Variants in PTPRH observed in about 807,000 individuals in gnomAD.
PTPRH encodes the protein protein tyrosine phosphatase receptor type H, also known as receptor-type tyrosine-protein phosphatase H.
Under a neutral mutation model 130.2 loss-of-function variants are expected in PTPRH, and 113 were observed. The ratio of observed to expected loss-of-function variants is 0.87; its 90% CI spans 0.75 to 1.01. The LOEUF (loss-of-function observed/expected upper bound fraction) is 1.01, where lower values mean the gene tolerates loss of function less well. PTPRH is among the 50% of genes least tolerant of loss of function. The pLI is 0.00. For missense variants in PTPRH, 1,430 were observed against 1,425.0 expected (o/e 1.00, Z -0.06); for synonymous variants, 556 against 577.9 (o/e 0.96, Z 0.54).
At chr19:55,182,398 C>A (rs1166639756) in intron 18 of PTPRH, among the ~76,000 whole-genome samples, 1 of 152,168 alleles carries the variant, frequency 6.6e-6, no homozygotes, top group Non-Finnish European at 1.5e-5. Context: ...GTGGCGCATG[C>A]CTGTAATCCC....
Position 55,202,228 on chromosome 19 carries a change from G to A in PTPRH, c.981C>T (p.Asn327=). The A allele has an allele frequency of 6.2e-7, 1 of 1,614,234 alleles. No homozygotes were observed. The highest frequency in any genetic ancestry group is 8.5e-7 in the Non-Finnish European group (1 of 1,180,048). The change falls in exon 6 of 20, where the codon AAC becomes AAT. Residue 327 remains asparagine (N), a synonymous_variant. Coordinates refer to ENST00000376350, the MANE Select transcript of PTPRH (RefSeq NM_002842.5). Reference sequence around the variant, plus strand: ...CAGTGTACTCAACCCCGTAGGTGGAGTTCTGTGGGTCTGGGCCATCGGGGA... The same window carrying A: ...CAGTGTACTCAACCCCGTAGGTGGAATTCTGTGGGTCTGGGCCATCGGGGA... ...WEVPDGPDPQ[N]STYGVEYTGD...
Position 55,205,467 on chromosome 19 carries a change from C to T in PTPRH, c.478G>A (p.Gly160Ser). ...GTGCTTCGAGTCCCTGCTCTGCCACCATCTCCAGTGTACTCAACCCCGTAG... is the reference window on the plus strand; with the variant it reads ...GTGCTTCGAGTCCCTGCTCTGCCACTATCTCCAGTGTACTCAACCCCGTAG... ...STYGVEYTGD[G>S]GRAGTRSTAH... The change falls in exon 4 of 20, where the codon GGT (glycine) becomes AGT (serine). Residue 160 changes from glycine to serine, a missense_variant. Coordinates refer to ENST00000376350, the MANE Select transcript of PTPRH (RefSeq NM_002842.5). 2 of 1,614,198 alleles carry T rather than the reference C, an allele frequency of 1.2e-6. No homozygotes were observed. Among genetic ancestry groups the T allele is most frequent in the Non-Finnish European group, 1.7e-6 (2 of 1,180,048 alleles).
rs993308040 is a variant in PTPRH, at chr19:55,185,871, C to G, written c.2892G>C (p.Leu964=). Residue 964 remains leucine, a synonymous_variant, in exon 17 of 20, where the codon CTG becomes CTC. Coordinates refer to ENST00000376350, the MANE Select transcript of PTPRH (RefSeq NM_002842.5). ...GGCTGGACACACGCACCTGGAGGAG[C>G]AGCAGTTCCCGCACCGTCCAGTTCT... ...VMENWTVREL[L]LLQVEEQKTL... is the part of the protein sequence containing the mutation. 6.2e-7 allele frequency: 1 copy of G among 1,614,130 alleles called. No homozygotes were observed. Among genetic ancestry groups the G allele is most frequent in the Non-Finnish European group, 8.5e-7 (1 of 1,180,016 alleles).
chr19:55,187,817 G>A lies in PTPRH; in HGVS notation c.2476-214C>T, dbSNP rs893802326. Among the ~76,000 whole-genome samples, 9 of 152,084 alleles carry A rather than the reference G, an allele frequency of 5.9e-5. No homozygotes were observed. In the East Asian group the frequency reaches 9.7e-4, roughly 16 times the overall value. On this transcript the variant is annotated intron_variant, in intron 13 of 19. Coordinates refer to ENST00000376350, the MANE Select transcript of PTPRH (RefSeq NM_002842.5). ...TTAGGGAACCATGGGACTTCTTCAG[G>A]CAGGCAAGAAAGCAGGTGTCAGGGG... is the stretch of plus-strand genomic sequence containing the variant.
At chr19:55,203,726 C>A in intron 5 of PTPRH, 56 bp downstream of exon 5, 1 of 1,533,510 alleles carries the variant, frequency 6.5e-7, no homozygotes. Context: ...CTCCCAACCA[C>A]CCCCTACCAC....
chr19:55,182,680 G>T (rs777893025), intron 18 of PTPRH, among the ~76,000 whole-genome samples: 5 of 152,208 alleles, frequency 3.3e-5, no homozygotes, highest in Non-Finnish European at 7.3e-5. Flanking sequence ...GAGGCTGAGT[G>T]AGGTGAAGTC....
At chr19:55,195,819 C>T (rs1024674230) in intron 10 of PTPRH, among the ~76,000 whole-genome samples, 1 of 152,232 alleles carries the variant, frequency 6.6e-6, no homozygotes, top group South Asian at 2.1e-4. Context: ...GATCCTTCCA[C>T]CTCAGCCTCC....
intron 12 of PTPRH, 39 bp downstream of exon 12, chr19:55,191,462 C>T (rs2086532484): frequency 1.2e-6 from 2 of 1,610,836 alleles, no homozygotes; most frequent in Non-Finnish European, 1.7e-6. Context: ...TTGATTTGAC[C>T]AGATTCTTTC....
At chr19:55,193,236 A>G (rs896126117) in intron 10 of PTPRH, among the ~76,000 whole-genome samples, 3 of 151,678 alleles carry the variant, frequency 2.0e-5, no homozygotes, top group African/African-American at 4.8e-5. Flanking sequence ...TCAAAAAAAA[A>G]AAAAAGAAAA....
Position 55,202,221 on chromosome 19 carries a change from A to G in PTPRH, c.988T>C (p.Tyr330His). 1.9e-6 allele frequency: 3 copies of G among 1,614,186 alleles called. No individual in the cohort carries two copies. The highest frequency in any genetic ancestry group is 2.5e-6 in the Non-Finnish European group (3 of 1,180,034). ...PDGPDPQNSTYGVEYTGDGGR... is the reference protein window; with the variant it reads ...PDGPDPQNSTHGVEYTGDGGR... ...CCATCTCCAGTGTACTCAACCCCGT[A>G]GGTGGAGTTCTGTGGGTCTGGGCCA... The change falls in exon 6 of 20, where the codon TAC (tyrosine) becomes CAC (histidine). Residue 330 changes from tyrosine to histidine, a missense_variant. Transcript: ENST00000376350.
At chr19:55,206,620 C>G (rs1302742265) in intron 3 of PTPRH, 69 bp downstream of exon 3, 18 of 1,404,414 alleles carry the variant, frequency 1.3e-5, no homozygotes, top group Admixed American at 9.4e-5. Flanking sequence ...CGCATTTTGT[C>G]AGCTCTCAAC....
chr19:55,202,457 G>A, intron 5 of PTPRH, 135 bp from the exon 6 acceptor site: 3 of 1,351,556 alleles, frequency 2.2e-6, no homozygotes, highest in Admixed American at 5.6e-5. Flanking sequence ...GCAGCCACGA[G>A]TTCCACGTGA....
At chr19:55,188,038 C>G in intron 13 of PTPRH, 40 bp downstream of exon 13, 1 of 1,551,722 alleles carries the variant, frequency 6.4e-7, no homozygotes, top group Non-Finnish European at 8.9e-7. Flanking sequence ...TCTGGGCCAC[C>G]GGAGGGAGAC....
At chr19:55,193,836 G>A (rs1449924573) in intron 10 of PTPRH, among the ~76,000 whole-genome samples, 1 of 148,886 alleles carries the variant, frequency 6.7e-6, no homozygotes, top group African/African-American at 2.5e-5. Flanking sequence ...ATCTGGTGGT[G>A]TCTTTTTTTT....
chr19:55,206,827 C>A lies in PTPRH; in HGVS notation c.214G>T (p.Gly72Cys), dbSNP rs139926741. The change falls in exon 3 of 20, where the codon GGC becomes TGC. Residue 72 changes from glycine (G) to cysteine (C), a missense_variant. Coordinates refer to ENST00000376350, the MANE Select transcript of PTPRH (RefSeq NM_002842.5). ...NYWVQCTGDGGTTETRNTTAT... is the reference protein window; with the variant it reads ...NYWVQCTGDGCTTETRNTTAT... ...GTTGTGTTTCGAGTCTCTGTTGTGC[C>A]GCCGTCTCCAGTACACTGAACCCAG... is the stretch of plus-strand genomic sequence containing the variant. The A allele has an allele frequency of 6.2e-7, 1 of 1,614,106 alleles. No individual in the cohort carries two copies. The highest frequency in any genetic ancestry group is 1.1e-5 in the South Asian group (1 of 91,076).
chr19:55,202,960 C>T (rs1360057043), intron 5 of PTPRH, among the ~76,000 whole-genome samples: 1 of 148,782 alleles, frequency 6.7e-6, no homozygotes, highest in Non-Finnish European at 1.5e-5. Flanking sequence ...AATACTTGAA[C>T]CCAGGAGGTG....
At chr19:55,187,729 A>C in intron 13 of PTPRH, 126 bp from the exon 14 acceptor site, 1 of 697,682 alleles carries the variant, frequency 1.4e-6, no homozygotes, top group Admixed American at 2.3e-5. Flanking sequence ...CTGAGATTAT[A>C]TGGCACCCAC....
In PTPRH at chr19:55,202,306, T is replaced by C. The variant is rs774772748; in HGVS notation, c.903A>G (p.Arg301=). 70 of 1,614,104 alleles carry C rather than the reference T, an allele frequency of 4.3e-5. No individual in the cohort carries two copies. Among genetic ancestry groups the C allele is most frequent in the Middle Eastern group, 3.3e-4 (2 of 6,062 alleles). ...VTSATAPNPV[R]NLTVEAQTNS... is the part of the protein sequence containing the mutation. ...TGGTCTGAGCCTCCACTGTCAGGTTTCTCACTGGGTTGGGAGCTGAAAACC... is the reference window on the plus strand; with the variant it reads ...TGGTCTGAGCCTCCACTGTCAGGTTCCTCACTGGGTTGGGAGCTGAAAACC... The change falls in exon 6 of 20, where the codon AGA becomes AGG. Residue 301 remains arginine, a synonymous_variant. Coordinates refer to ENST00000376350, the MANE Select transcript of PTPRH (RefSeq NM_002842.5).
chr19:55,182,269 T>C, intron 18 of PTPRH, 118 bp from the exon 19 acceptor site: 1 of 1,234,392 alleles, frequency 8.1e-7, no homozygotes. Flanking sequence ...CTCACACCTG[T>C]AATCCCAGCA....
Sources: allele counts gnomAD v4.1 joint callset (sites outside exome capture counted in the v4.1 genomes callset), GRCh38; gene constraint gnomAD v4.1.1; transcripts MANE v1.5; gene names NCBI Gene and HGNC (gene_info 2026-07-23, HGNC 2026-07-21).